PPP6C: variants seen among roughly 807,000 people sequenced by gnomAD.
PPP6C encodes protein phosphatase 6 catalytic subunit, also known as serine/threonine-protein phosphatase 6 catalytic subunit.
Under a neutral mutation model 39.8 loss-of-function variants are expected in PPP6C, and 11 were observed. The observed-to-expected ratio is 0.28, with a 90% confidence interval of 0.17 to 0.46. The LOEUF (loss-of-function observed/expected upper bound fraction) is 0.46, where lower values mean the gene tolerates loss of function less well. Ranked by LOEUF, PPP6C falls within the 20% of genes least tolerant of loss-of-function variation. The pLI, the probability that PPP6C is intolerant of heterozygous loss-of-function variation, is 1.00. For synonymous variants in PPP6C, 129 were observed against 130.3 expected (o/e 0.99, Z 0.07); for missense variants, 211 against 373.9 (o/e 0.56, Z 3.59).
chr9:125,174,324 GA>G (rs554585724), intron 1 of PPP6C, among the ~76,000 whole-genome samples: 7 of 152,062 alleles, frequency 4.6e-5, no homozygotes, highest in South Asian at 2.1e-4. Context: ...TGGGAGGGGG[GA>G]AAAAAGGGCT....
rs200789235 is a variant in PPP6C at position 125,166,428 on chromosome 9, CTAAA to C, written c.171+4653_171+4656del. On this transcript the variant is annotated intron_variant, in intron 2 of 6. Transcript: ENST00000373547. The stretch of plus-strand genomic sequence containing the variant: ...AAATATAGTTGCCAAATACCCAAGT[CTAAA>C]TAATCACAGTTTGTCAGTCATTCTC... Among the ~76,000 whole-genome samples, 432 of 152,094 alleles carry C rather than the reference CTAAA, an allele frequency of 2.8e-3. 6 individuals are homozygous for C. Among genetic ancestry groups the C allele is most frequent in the East Asian group, 0.018 (91 of 5,178 alleles).
chr9:125,160,841 C>A lies in PPP6C; in HGVS notation c.237G>T (p.Met79Ile). Residue 79 changes from methionine to isoleucine, a missense_variant and splice_region_variant, in exon 3 of 7, where the codon ATG (methionine) becomes ATT (isoleucine). Around this residue, in one of 2 missense-constraint regions of PPP6C, gnomAD observed 168 missense variants for 342.6 expected, o/e 0.49. Transcript: ENST00000373547. ...CTTGATATCACTGGTGTTTACATAC[C>A]ATAAATATGTAGTTTGTGTCAGGAA... is the stretch of plus-strand genomic sequence containing the variant. ...GQVPDTNYIF[M>I]GDFVDRGYYS... The A allele has an allele frequency of 6.4e-7, 1 of 1,572,626 alleles. No individual in the cohort carries two copies. The highest frequency in any genetic ancestry group is 2.3e-5 in the East Asian group (1 of 43,250).
Position 125,189,636 on chromosome 9 carries a change from G to A in PPP6C, c.75+8C>T, listed in dbSNP as rs528247153. 7 of 1,612,964 alleles carry A rather than the reference G, an allele frequency of 4.3e-6. No homozygotes were observed. In the South Asian group the frequency reaches 5.5e-5, roughly 13 times the overall value. On this transcript the variant is annotated splice_region_variant and intron_variant, in intron 1 of 6. Coordinates refer to ENST00000373547, the MANE Select transcript of PPP6C (RefSeq NM_002721.5). The stretch of plus-strand genomic sequence containing the variant: ...GCCGGAAGGGGCGAGCCCGCAAATA[G>A]GGCTCACCTTCAGGTCGTTCTCTGG...
At chr9:125,159,108 G>A (rs1400835832) in intron 3 of PPP6C, among the ~76,000 whole-genome samples, 2 of 142,730 alleles carry the variant, frequency 1.4e-5, no homozygotes, top group Non-Finnish European at 3.0e-5. Context: ...GCGTGATCTT[G>A]GCTCACTGCA....
intron 4 of PPP6C, among the ~76,000 whole-genome samples, chr9:125,155,920 A>C (rs1000218735): frequency 2.6e-5 from 4 of 151,784 alleles, no homozygotes; most frequent in African/African-American, 4.8e-5. Flanking sequence ...AAAAAAAAAA[A>C]AAAAGTCATA....
intron 3 of PPP6C, among the ~76,000 whole-genome samples, chr9:125,159,541 G>C (rs1051456824): frequency 2.0e-5 from 3 of 152,020 alleles, no homozygotes; most frequent in African/African-American, 7.2e-5. Flanking sequence ...CATTTTAACT[G>C]TATTGGAAGA....
intron 2 of PPP6C, among the ~76,000 whole-genome samples, chr9:125,165,304 CAGA>C (rs1193866432): frequency 2.6e-5 from 4 of 151,964 alleles, no homozygotes; most frequent in Admixed American, 1.3e-4. Context: ...GAGGCTGAGG[CAGA>C]AGAATCGCTT....
Position 125,171,478 on chromosome 9 carries a change from CATATATATATAT to C in PPP6C, c.76-310_76-299del, listed in dbSNP as rs59002869. On this transcript the variant is annotated intron_variant, in intron 1 of 6. Coordinates refer to ENST00000373547, the MANE Select transcript of PPP6C (RefSeq NM_002721.5). ...ACACATATACACACACACACACACACATATATATATATATATATATATATATATATATATATA... is the reference window on the plus strand; with the variant it reads ...ACACATATACACACACACACACACACATATATATATATATATATATATATA... Among the ~76,000 whole-genome samples, 382 of 83,520 alleles carry C rather than the reference CATATATATATAT, an allele frequency of 4.6e-3. 2 individuals are homozygous for C. Among genetic ancestry groups the C allele is most frequent in the African/African-American group, 0.01 (183 of 18,284 alleles). The allele number at this position is 83,520 out of a possible 152,430, so 54.8% of individuals were successfully genotyped here.
At chr9:125,168,854 G>C (rs1194698915) in intron 2 of PPP6C, among the ~76,000 whole-genome samples, 4 of 148,352 alleles carry the variant, frequency 2.7e-5, no homozygotes, top group Admixed American at 6.8e-5. Context: ...TCTGCCTCCC[G>C]GGTTCTAGCG....
chr9:125,162,729 T>C (rs62580610), intron 2 of PPP6C, among the ~76,000 whole-genome samples: 6,953 of 142,988 alleles, frequency 0.049, 212 homozygotes, highest in Middle Eastern at 0.091. Flanking sequence ...TAAGCCAAGA[T>C]CACGCCACTG....
At chr9:125,153,257 C>G (rs1835994811) in intron 6 of PPP6C, among the ~76,000 whole-genome samples, 1 of 151,630 alleles carries the variant, frequency 6.6e-6, no homozygotes, top group Non-Finnish European at 1.5e-5. Flanking sequence ...GCCTAGGCGA[C>G]AGAGCAAGAC....
intron 1 of PPP6C, among the ~76,000 whole-genome samples, chr9:125,178,137 C>T (rs573219374): frequency 5.9e-5 from 9 of 152,286 alleles, no homozygotes; most frequent in African/African-American, 2.2e-4. Context: ...TTTGTATGGA[C>T]ATAAGTTTAC....
Position 125,189,078 on chromosome 9 carries a change from A to G in PPP6C, c.75+566T>C, listed in dbSNP as rs184022259. 44 of 662,872 alleles carry G rather than the reference A, an allele frequency of 6.6e-5. No individual in the cohort carries two copies. The Admixed American group carries it at 8.9e-4, about 13-fold the overall frequency. The allele number at this position is 662,872 out of a possible 1,614,324, so 41.1% of individuals were successfully genotyped here. A position where few individuals can be genotyped will look rare whatever the true frequency, so the allele number is the denominator to read the frequency against. ...CTGAATTAGCAAAACCGACGATCCTAAAAAGCAATTTGGAGGAGTGGCAAT... is the reference window on the plus strand; with the variant it reads ...CTGAATTAGCAAAACCGACGATCCTGAAAAGCAATTTGGAGGAGTGGCAAT... On this transcript the variant is annotated intron_variant, in intron 1 of 6. Coordinates refer to ENST00000373547, the MANE Select transcript of PPP6C (RefSeq NM_002721.5).
chr9:125,188,983 AT>A, intron 1 of PPP6C: 1 of 1,489,070 alleles, frequency 6.7e-7, no homozygotes. Context: ...AAGTATTTGT[AT>A]TTATTGAGAA....
At position 125,153,816 on chromosome 9, in the gene PPP6C, A is replaced by C. The variant is rs7856257; in HGVS notation, c.460-74T>G. ...CTAAACTCATCAGTGAATACTAAAG[A>C]TATCAATATAATTGAGATGACAACT... On this transcript the variant is annotated intron_variant, in intron 5 of 6. Transcript: ENST00000373547. 8.3e-3 allele frequency: 12,692 copies of C among 1,525,834 alleles called. 753 individuals carry two copies. In the African/African-American group the frequency reaches 0.14, roughly 17 times the overall value. 94.5% of individuals were successfully genotyped at this position (1,525,834 alleles called of 1,614,324 possible).
intron 2 of PPP6C, among the ~76,000 whole-genome samples, chr9:125,166,117 C>A (rs566785324): frequency 6.6e-6 from 1 of 151,960 alleles, no homozygotes; most frequent in Non-Finnish European, 1.5e-5. Flanking sequence ...ATCTTTCATA[C>A]CCTGTTACAT....
At chr9:125,167,112 G>A (rs908330104) in intron 2 of PPP6C, among the ~76,000 whole-genome samples, 5 of 151,790 alleles carry the variant, frequency 3.3e-5, no homozygotes, top group South Asian at 2.1e-4. Flanking sequence ...CAGGTGCAGC[G>A]GCTCACACCT....
intron 4 of PPP6C, among the ~76,000 whole-genome samples, 163 bp downstream of exon 4, chr9:125,158,078 T>C (rs770484797): frequency 2.6e-5 from 4 of 152,106 alleles, no homozygotes; most frequent in Non-Finnish European, 5.9e-5. Context: ...AAGTTAACAG[T>C]GGTCTTCTCT....
intron 6 of PPP6C, chr9:125,151,214 T>C: frequency 6.6e-7 from 1 of 1,508,498 alleles, no homozygotes; most frequent in Admixed American, 1.7e-5. Flanking sequence ...GACTTTGCCT[T>C]GATTCACAAA....
Sources: gnomAD v4.1 joint callset for allele counts (sites outside exome capture counted in the v4.1 genomes callset) on GRCh38, gnomAD v4.1.1 for gene constraint, gnomAD v4.1.1 regional missense constraint, MANE v1.5 for transcripts, NCBI Gene and HGNC (gene_info 2026-07-23, HGNC 2026-07-21) for gene names.